Variants in BMP2K observed in about 807,000 individuals in gnomAD.
The protein encoded by BMP2K is BMP-2-inducible protein kinase.
A neutral mutation model predicts 116.0 loss-of-function variants in BMP2K; 74 were observed. That is an observed-to-expected ratio of 0.64 (90% CI 0.53 to 0.77). BMP2K has a LOEUF of 0.77. Among genes scored for constraint, BMP2K ranks in the 30% least tolerant of loss-of-function variants. The pLI is 0.00. For missense variants in BMP2K, 1,365 were observed against 1,403.6 expected (o/e 0.97, Z 0.44); for synonymous variants, 486 against 502.5 (o/e 0.97, Z 0.44).
intron 1 of BMP2K, among the ~76,000 whole-genome samples, chr4:78,810,062 G>A (rs751405929): frequency 1.4e-4 from 21 of 152,230 alleles, no homozygotes; most frequent in Non-Finnish European, 2.8e-4. Context: ...ATTCTGTGAA[G>A]TCTGATCCCC....
In BMP2K at chr4:78,872,768, C is replaced by T; in HGVS notation, c.1763C>T (p.Thr588Ile). Residue 588 changes from threonine to isoleucine, a missense_variant, in exon 13 of 16, where the codon ACC becomes ATC. Physicochemically the swap from Thr to Ile is moderately conservative, Grantham distance 89 (BLOSUM62 -1). Around this residue, in one of 3 missense-constraint regions of BMP2K, gnomAD observed 762 missense variants for 756.7 expected, o/e 1.01. Transcript: ENST00000502613. Reference protein sequence around the residue: ...YTSSLPAQVGTIMDSSYSANR... With the variant: ...YTSSLPAQVGIIMDSSYSANR... ...TCATCACTTCCAGCTCAGGTTGGAACCATAATGGACTCCTCCTATAGTGCC... is the reference window on the plus strand; with the variant it reads ...TCATCACTTCCAGCTCAGGTTGGAATCATAATGGACTCCTCCTATAGTGCC... 2 of 1,614,058 alleles carry T rather than the reference C, an allele frequency of 1.2e-6. No homozygotes were observed. The highest frequency in any genetic ancestry group is 1.7e-6 in the Non-Finnish European group (2 of 1,179,938).
At chr4:78,783,830 T>TA (rs1727613441) in intron 1 of BMP2K, among the ~76,000 whole-genome samples, 1 of 151,836 alleles carries the variant, frequency 6.6e-6, no homozygotes, top group East Asian at 1.9e-4. Context: ...AATAAATAAA[T>TA]AATAAATAAA....
At chr4:78,798,182 A>G (rs1728391852) in intron 1 of BMP2K, among the ~76,000 whole-genome samples, 2 of 152,302 alleles carry the variant, frequency 1.3e-5, no homozygotes, top group South Asian at 4.1e-4. Context: ...TACCTAGGAA[A>G]GTCTTGGAGT....
chr4:78,779,350 C>A (rs1727394334), intron 1 of BMP2K, among the ~76,000 whole-genome samples: 1 of 152,158 alleles, frequency 6.6e-6, no homozygotes, highest in African/African-American at 2.4e-5. Context: ...GATTATCTCA[C>A]ACTTGTATTT....
At chr4:78,782,378 A>G (rs1727544990) in intron 1 of BMP2K, among the ~76,000 whole-genome samples, 1 of 152,226 alleles carries the variant, frequency 6.6e-6, no homozygotes, top group Non-Finnish European at 1.5e-5. Context: ...CTCTGTTTTA[A>G]TTGATGTTGT....
chr4:78,906,211 C>A (rs914741025), intron 15 of BMP2K: 3 of 152,046 alleles, frequency 2.0e-5, no homozygotes, highest in African/African-American at 4.8e-5. Flanking sequence ...TTTCAGAGAG[C>A]CTCATTACTG....
At chr4:78,857,639 T>C (rs1373234543) in intron 7 of BMP2K, among the ~76,000 whole-genome samples, 1 of 152,088 alleles carries the variant, frequency 6.6e-6, no homozygotes, top group Non-Finnish European at 1.5e-5. Context: ...TTTCTTTTAC[T>C]GCATGGCATT....
At chr4:78,847,752 A>G (rs1211723528) in intron 6 of BMP2K, among the ~76,000 whole-genome samples, 1 of 151,738 alleles carries the variant, frequency 6.6e-6, no homozygotes, top group Non-Finnish European at 1.5e-5. Context: ...TAGCCTGTAT[A>G]TATCTGGATA....
At chr4:78,851,699 CA>C (rs112867325) in intron 7 of BMP2K, among the ~76,000 whole-genome samples, 12,378 of 151,632 alleles carry the variant, frequency 0.082, 1,645 homozygotes, top group African/African-American at 0.28. Context: ...CGTTTGTGGG[CA>C]AAAAATAAGG....
chr4:78,875,623 C>T (rs925378905), intron 13 of BMP2K, among the ~76,000 whole-genome samples: 1 of 152,242 alleles, frequency 6.6e-6, no homozygotes, highest in Non-Finnish European at 1.5e-5. Context: ...TACATACTTT[C>T]TTTGGATCAG....
At chr4:78,879,091 T>G in intron 14 of BMP2K, 200 bp downstream of exon 14, 2 of 1,335,614 alleles carry the variant, frequency 1.5e-6, no homozygotes, top group Non-Finnish European at 1.9e-6. Flanking sequence ...TAGTAGCTAT[T>G]AAACCCAATA....
chr4:78,882,082 T>G (rs762687071), intron 14 of BMP2K, among the ~76,000 whole-genome samples: 34 of 151,996 alleles, frequency 2.2e-4, no homozygotes, highest in Admixed American at 1.0e-3. Context: ...CCATTTGGGG[T>G]TTTATTTTGA....
In BMP2K at chr4:78,912,128, TTCATTCTTAAAGA is replaced by T; in HGVS notation, c.*99_*111del. 1 of 1,025,136 alleles carries T rather than the reference TTCATTCTTAAAGA, an allele frequency of 9.8e-7. No individual in the cohort carries two copies. The highest frequency in any genetic ancestry group is 2.4e-5 in the Admixed American group (1 of 40,906). 63.5% of individuals were successfully genotyped at this position (1,025,136 alleles called of 1,614,324 possible). A position where few individuals can be genotyped will look rare whatever the true frequency, so the allele number is the denominator to read the frequency against. ...GAAAATTTGGTAGCTCTTTATAGCA[TTCATTCTTAAAGA>T]TCAGTCAGAATAGGTGATTTCTAAA... On this transcript the variant is annotated 3_prime_UTR_variant, in exon 16 of 16. Coordinates refer to ENST00000502613, the MANE Select transcript of BMP2K (RefSeq NM_198892.2).
intron 2 of BMP2K, among the ~76,000 whole-genome samples, chr4:78,827,088 T>C (rs1729907839): frequency 6.6e-6 from 1 of 152,202 alleles, no homozygotes; most frequent in Non-Finnish European, 1.5e-5. Context: ...AGACCAATGT[T>C]TCAGTTGCCT....
rs34288286 is a variant in BMP2K, at chr4:78,786,405, ATGTGTGTG to A, written c.178+9724_178+9731del. On this transcript the variant is annotated intron_variant, in intron 1 of 15. Coordinates refer to ENST00000502613, the MANE Select transcript of BMP2K (RefSeq NM_198892.2). ...AATTCTGTTGCTTATAAGCCACCCA[ATGTGTGTG>A]TGTGTGTGTGTGTGTGTGTGTGTGT... 5.9e-3 allele frequency among the ~76,000 whole-genome samples: 789 copies of A among 134,374 alleles called. 4 individuals carry two copies. Among genetic ancestry groups the A allele is most frequent in the African/African-American group, 0.016 (594 of 36,022 alleles). The allele number at this position is 134,374 out of a possible 152,430, so 88.2% of individuals were successfully genotyped here.
chr4:78,798,077 A>G (rs1728386444), intron 1 of BMP2K, among the ~76,000 whole-genome samples: 1 of 152,176 alleles, frequency 6.6e-6, no homozygotes, highest in African/African-American at 2.4e-5. Flanking sequence ...TTGGCCTCCC[A>G]AAGTGTTGGT....
intron 1 of BMP2K, among the ~76,000 whole-genome samples, chr4:78,779,059 G>A (rs972558775): frequency 6.6e-6 from 1 of 152,156 alleles, no homozygotes; most frequent in East Asian, 1.9e-4. Context: ...CCTCTGCAGT[G>A]TCTTTTTAAT....
rs1455794444 is a variant in BMP2K, at chr4:78,913,265, A to G, written c.*1232A>G. The G allele has an allele frequency of 2.6e-5, 4 of 152,278 alleles. No individual in the cohort carries two copies. The allele number at this position is 152,278 out of a possible 1,614,324, so 9.4% of individuals were successfully genotyped here. On this transcript the variant is annotated 3_prime_UTR_variant, in exon 16 of 16. Transcript: ENST00000502613. ...ATATACCAGATCCTAAAATGCATAT[A>G]AGGTGGACTAGCATCTTAATTCTGC...
At chr4:78,797,384 T>G (rs1560503902) in intron 1 of BMP2K, among the ~76,000 whole-genome samples, 3 of 152,318 alleles carry the variant, frequency 2.0e-5, no homozygotes, top group East Asian at 1.9e-4. Context: ...GATGGATTAT[T>G]AGTAGCTAAG....
Sources: allele counts gnomAD v4.1 joint callset (sites outside exome capture counted in the v4.1 genomes callset), GRCh38; gene constraint gnomAD v4.1.1; regional missense constraint gnomAD v4.1.1; transcripts MANE v1.5; gene names NCBI Gene and HGNC (gene_info 2026-07-23, HGNC 2026-07-21).